The following TSPAN1 variants were observed in gnomAD, a reference collection of about 807,000 sequenced individuals.
TSPAN1 encodes the protein tetraspanin 1.
TSPAN1 carries 23 observed loss-of-function variants against 26.9 expected under a neutral mutation model. The ratio of observed to expected loss-of-function variants is 0.85; its 90% CI spans 0.62 to 1.21. TSPAN1 has a LOEUF of 1.21. Ranked by LOEUF, TSPAN1 falls within the 50% of genes most tolerant of loss-of-function variation. The pLI is 0.00. For synonymous variants in TSPAN1, 115 were observed against 114.8 expected (o/e 1.00, Z -0.01); for missense variants, 283 against 298.4 (o/e 0.95, Z 0.38).
rs1399000857 is a variant in TSPAN1 at position 46,177,350 on chromosome 1, T to A, written c.-142+1941T>A. ...AACTCTGTCTCAAAAAAAAAAAAAA[T>A]ATATCTATCTATCTATCTATCTATC... On this transcript the variant is annotated intron_variant, in intron 1 of 8. Coordinates refer to ENST00000372003, the MANE Select transcript of TSPAN1 (RefSeq NM_005727.4). Among the ~76,000 whole-genome samples the A allele has an allele frequency of 1.7e-3, 152 of 90,034 alleles. 1 individual carries two copies. Among genetic ancestry groups the A allele is most frequent in the African/African-American group, 6.2e-3 (147 of 23,796 alleles). 59.1% of individuals were successfully genotyped at this position (90,034 alleles called of 152,430 possible). A position where few individuals can be genotyped will look rare whatever the true frequency, so the allele number is the denominator to read the frequency against.
At chr1:46,195,062 C>T in the TSPAN1 span, 1 of 1,013,434 alleles carries the variant, frequency 9.9e-7, no homozygotes, top group Admixed American at 1.7e-5. Context: ...TAAAATAGCT[C>T]ATTACATTAT....
downstream of TSPAN1, chr1:46,190,538 G>C (rs1230074521): frequency 1.3e-6 from 2 of 1,593,314 alleles, no homozygotes; most frequent in Admixed American, 1.7e-5. Flanking sequence ...GGGAGAAATG[G>C]GTCAGGGGAG....
At chr1:46,192,366 A>ACCCAG in the TSPAN1 span, 1 of 1,614,136 alleles carries the variant, frequency 6.2e-7, no homozygotes, top group Non-Finnish European at 8.5e-7. Context: ...CCTCCTGAGC[A>ACCCAG]CCCAGCCCAG....
Position 46,184,586 on chromosome 1 carries a change from C to T in TSPAN1, c.265-8C>T. The T allele has an allele frequency of 6.2e-7, 1 of 1,614,114 alleles. No homozygotes were observed. Among genetic ancestry groups the T allele is most frequent in the Non-Finnish European group, 8.5e-7 (1 of 1,180,004 alleles). Reference sequence around the variant, plus strand: ...TCCCTAAAACCCAGACCCCTGTTCCCCACTCAGTTCTTCTTCATCCTCCTC... The same window carrying T: ...TCCCTAAAACCCAGACCCCTGTTCCTCACTCAGTTCTTCTTCATCCTCCTC... On this transcript the variant is annotated splice_polypyrimidine_tract_variant and splice_region_variant and intron_variant, in intron 4 of 8. Coordinates refer to ENST00000372003, the MANE Select transcript of TSPAN1 (RefSeq NM_005727.4).
the TSPAN1 span, chr1:46,192,600 G>T: frequency 1.9e-6 from 3 of 1,613,808 alleles, no homozygotes; most frequent in Non-Finnish European, 2.5e-6. Flanking sequence ...ACTGAGAGAG[G>T]CAGGGTCAAA....
downstream of TSPAN1, chr1:46,190,890 T>G: frequency 9.5e-7 from 1 of 1,049,628 alleles, no homozygotes; most frequent in Non-Finnish European, 1.5e-6. Flanking sequence ...GTCCTAGACC[T>G]GTAAAGAGCC....
downstream of TSPAN1, chr1:46,189,548 A>G: frequency 6.2e-7 from 1 of 1,612,474 alleles, no homozygotes; most frequent in Non-Finnish European, 8.5e-7. Flanking sequence ...ACGCACATCC[A>G]GGTCCCAGAT....
chr1:46,193,939 A>G, the TSPAN1 span: 1 of 1,613,966 alleles, frequency 6.2e-7, no homozygotes. Context: ...TGGGAGAAAT[A>G]GCGTTTAGCT....
chr1:46,184,718 A>T, intron 5 of TSPAN1, 50 bp downstream of exon 5: 1 of 1,613,714 alleles, frequency 6.2e-7, no homozygotes, highest in Non-Finnish European at 8.5e-7. Flanking sequence ...AAACCCTGGG[A>T]GTGGGCTGTG....
rs1049431979 is a variant in TSPAN1, at chr1:46,176,465, G to A, written c.-142+1056G>A. On this transcript the variant is annotated intron_variant, in intron 1 of 8. Transcript: ENST00000372003. ...CGAGGGCCACGGACAAGCCGAGATGGCCCCATGGGCACAGGGAGCTTCTGC... is the reference window on the plus strand; with the variant it reads ...CGAGGGCCACGGACAAGCCGAGATGACCCCATGGGCACAGGGAGCTTCTGC... 6.8e-5 allele frequency: 104 copies of A among 1,535,566 alleles called. No homozygotes were observed. In the Admixed American group the frequency reaches 6.9e-4, roughly 10 times the overall value.
downstream of TSPAN1, chr1:46,190,097 CT>C (rs946195454): frequency 0.2 from 156,378 of 787,748 alleles, 56 homozygotes; most frequent in East Asian, 0.24. Context: ...CCTTGAAGTT[CT>C]TTTTTTTTTT....
At chr1:46,184,466 T>C (rs1016602677) in intron 4 of TSPAN1, 69 bp downstream of exon 4, 4 of 1,610,340 alleles carry the variant, frequency 2.5e-6, no homozygotes, top group Non-Finnish European at 1.7e-6. Flanking sequence ...GGCCCTGGGA[T>C]TCCCAAACCC....
chr1:46,190,716 C>T, downstream of TSPAN1: 1 of 1,612,540 alleles, frequency 6.2e-7, no homozygotes, highest in Non-Finnish European at 8.5e-7. Flanking sequence ...CTGCCAGCCC[C>T]AACCTGTCCA....
intron 3 of TSPAN1, among the ~76,000 whole-genome samples, chr1:46,182,274 C>T (rs1657328511): frequency 1.4e-5 from 1 of 72,012 alleles, no homozygotes; most frequent in African/African-American, 4.4e-5. Context: ...GGAAAGTGAA[C>T]TCTGGGAAAC....
At chr1:46,190,592 G>T (rs1657687426), downstream of TSPAN1, 4 of 1,532,814 alleles carry the variant, frequency 2.6e-6, no homozygotes, top group East Asian at 9.0e-5. Flanking sequence ...AGCAGGGCAA[G>T]GGGTCACATG....
intron 1 of TSPAN1, among the ~76,000 whole-genome samples, chr1:46,178,845 A>G (rs910951351): frequency 6.6e-6 from 1 of 152,198 alleles, no homozygotes; most frequent in Non-Finnish European, 1.5e-5. Context: ...CTATTTCCCC[A>G]TATTTAAAAA....
At chr1:46,189,406 C>G (rs764358070), downstream of TSPAN1, 2 of 1,613,860 alleles carry the variant, frequency 1.2e-6, no homozygotes, top group Non-Finnish European at 1.7e-6. Context: ...TTAGCTATAT[C>G]CCTGGATCTC....
At chr1:46,196,067 T>A in the TSPAN1 span, 1 of 1,613,982 alleles carries the variant, frequency 6.2e-7, no homozygotes, top group Non-Finnish European at 8.5e-7. The surrounding 1 kb of genome is among the most constrained non-coding windows in gnomAD (Gnocchi z 4.4). Flanking sequence ...CCGGGCCTCA[T>A]CCTCCAGCAC....
Position 46,179,964 on chromosome 1 carries a change from A to AGTGTGTGTGTGT in TSPAN1, c.-141-549_-141-538dup, listed in dbSNP as rs141816531. On this transcript the variant is annotated intron_variant, in intron 1 of 8. Coordinates refer to ENST00000372003, the MANE Select transcript of TSPAN1 (RefSeq NM_005727.4). ...GAGAGACAGAGAAAGAGAAAGAGGGAGTGTGTGTGTGTGTGTGTGTGTGTT... is the reference window on the plus strand; with the variant it reads ...GAGAGACAGAGAAAGAGAAAGAGGGAGTGTGTGTGTGTGTGTGTGTGTGTGTGTGTGTGTGTT... 3.5e-3 allele frequency among the ~76,000 whole-genome samples: 513 copies of AGTGTGTGTGTGT among 146,880 alleles called. 2 individuals are homozygous for AGTGTGTGTGTGT. Among genetic ancestry groups the AGTGTGTGTGTGT allele is most frequent in the African/African-American group, 0.012 (471 of 39,818 alleles).
Sources: gnomAD v4.1 joint callset for allele counts (sites outside exome capture counted in the v4.1 genomes callset) on GRCh38, gnomAD v4.1.1 for gene constraint, Gnocchi (gnomAD v3.1) non-coding constraint, MANE v1.5 for transcripts, NCBI Gene and HGNC (gene_info 2026-07-23, HGNC 2026-07-21) for gene names.